Variants in GOLM2 observed in about 807,000 individuals in gnomAD.
GOLM2 encodes the protein protein GOLM2.
GOLM2 carries 26 observed loss-of-function variants against 55.9 expected under a neutral mutation model. That is an observed-to-expected ratio of 0.47 (90% CI 0.34 to 0.65). The LOEUF is 0.65. Among genes scored for constraint, GOLM2 ranks in the 30% least tolerant of loss-of-function variants. GOLM2 has a pLI of 0.01. For synonymous variants in GOLM2, 165 were observed against 194.6 expected, an observed-to-expected ratio of 0.85 and a Z score of 1.27; for missense variants, 486 against 531.8, an observed-to-expected ratio of 0.91 and a Z score of 0.85.
intron 8 of GOLM2, among the ~76,000 whole-genome samples, chr15:44,391,084 G>A (rs540040356): frequency 6.6e-6 from 1 of 152,292 alleles, no homozygotes; most frequent in Admixed American, 6.5e-5. Context: ...TAAATAAGTT[G>A]AATAGGTATC....
intron 6 of GOLM2, among the ~76,000 whole-genome samples, chr15:44,339,961 A>G (rs936094089): frequency 4.6e-5 from 7 of 152,010 alleles, no homozygotes; most frequent in African/African-American, 1.4e-4. Context: ...CAGGAACTAC[A>G]GGCATGTGCC....
At chr15:44,353,895 G>C (rs1019056684) in intron 6 of GOLM2, among the ~76,000 whole-genome samples, 1 of 152,008 alleles carries the variant, frequency 6.6e-6, no homozygotes, top group African/African-American at 2.4e-5. Context: ...CTAAATAATA[G>C]TTTAATTCTA....
At chr15:44,312,960 T>A (rs966001613) in intron 1 of GOLM2, among the ~76,000 whole-genome samples, 26 of 152,064 alleles carry the variant, frequency 1.7e-4, no homozygotes, top group Admixed American at 1.7e-3. Flanking sequence ...GCTCCTGTAA[T>A]CCCAGCTACT....
At chr15:44,367,133 A>G (rs931108567) in intron 6 of GOLM2, among the ~76,000 whole-genome samples, 1 of 152,000 alleles carries the variant, frequency 6.6e-6, no homozygotes, top group Non-Finnish European at 1.5e-5. Flanking sequence ...ATTTGTTTAT[A>G]TATTGCCTAT....
chr15:44,413,251 A>T, intron 9 of GOLM2, 85 bp from the exon 10 acceptor site: 1 of 938,012 alleles, frequency 1.1e-6, no homozygotes, highest in Non-Finnish European at 1.7e-6. Context: ...AAACTACCTT[A>T]AGGCTATGAA....
chr15:44,331,771 T>A (rs2079023593), intron 3 of GOLM2, among the ~76,000 whole-genome samples: 1 of 152,230 alleles, frequency 6.6e-6, no homozygotes, highest in South Asian at 2.1e-4. Flanking sequence ...TAATTTCTGT[T>A]TTCTCAATTA....
At chr15:44,407,441 A>G (rs2079605013) in intron 9 of GOLM2, among the ~76,000 whole-genome samples, 1 of 150,812 alleles carries the variant, frequency 6.6e-6, no homozygotes, top group Non-Finnish European at 1.5e-5. Flanking sequence ...AGTTTTTTGT[A>G]TTTTTTGTAG....
rs2078698446 is a variant in GOLM2 at position 44,288,859 on chromosome 15, C to T, written c.-171C>T. ...ATTTGAGGAGGGGGGCGGGGAGGGA[C>T]CTGCGGCTTGCGGCCCCGCCCCCTT... On this transcript the variant is annotated 5_prime_UTR_variant, in exon 1 of 10. Coordinates refer to ENST00000299957, the MANE Select transcript of GOLM2 (RefSeq NM_138423.4). 1 of 615,760 alleles carries T rather than the reference C, an allele frequency of 1.6e-6. No homozygotes were observed. Among genetic ancestry groups the T allele is most frequent in the Non-Finnish European group, 2.8e-6 (1 of 356,562 alleles). The allele number at this position is 615,760 out of a possible 1,614,324, so 38.1% of individuals were successfully genotyped here.
At chr15:44,334,154 A>G (rs2079041314) in intron 4 of GOLM2, among the ~76,000 whole-genome samples, 2 of 151,984 alleles carry the variant, frequency 1.3e-5, no homozygotes, top group Admixed American at 1.3e-4. Flanking sequence ...CTTCCTTGCC[A>G]TTATCCTACC....
chr15:44,385,325 CCCCTCCCTCCCTCCCTTCCT>C (rs976991259), intron 8 of GOLM2, among the ~76,000 whole-genome samples: 61 of 140,220 alleles, frequency 4.4e-4, no homozygotes, highest in South Asian at 7.7e-4. Flanking sequence ...TTCTCCACAT[CCCCTCCCTCCCTCCCTTCCT>C]CCCTCCCTCC....
At chr15:44,340,704 A>C (rs1308103068) in intron 6 of GOLM2, among the ~76,000 whole-genome samples, 1 of 152,188 alleles carries the variant, frequency 6.6e-6, no homozygotes, top group African/African-American at 2.4e-5. Context: ...TGTTTTAAAA[A>C]GCTCTCCTAG....
At position 44,288,950 on chromosome 15, in the gene GOLM2, G is replaced by T. The variant is rs982058691; in HGVS notation, c.-80G>T. On this transcript the variant is annotated 5_prime_UTR_variant, in exon 1 of 10. Coordinates refer to ENST00000299957, the MANE Select transcript of GOLM2 (RefSeq NM_138423.4). ...GGCCGGCCCTGGGGCCGTGTCCGCC[G>T]GGCAACTCCAGCCGAGGCCTGGGCT... 2 of 1,361,904 alleles carry T rather than the reference G, an allele frequency of 1.5e-6. No homozygotes were observed. Among genetic ancestry groups the T allele is most frequent in the South Asian group, 1.4e-5 (1 of 72,634 alleles). The allele number at this position is 1,361,904 out of a possible 1,614,324, so 84.4% of individuals were successfully genotyped here.
rs1265641568 is a variant in GOLM2 at position 44,289,105 on chromosome 15, G to C, written c.76G>C (p.Val26Leu). Residue 26 changes from valine to leucine, a missense_variant, in exon 1 of 10, where the codon GTC becomes CTC. Coordinates refer to ENST00000299957, the MANE Select transcript of GOLM2 (RefSeq NM_138423.4). This position sits in a 1 kb window ranked among gnomAD's most constrained non-coding sequence, Gnocchi z 4.8. Reference sequence around the variant, plus strand: ...GCTGGTGGTGCTGCTGGTGGTGATCGTCGTCCTCGCCTTCAACTACTGGAG... The same window carrying C: ...GCTGGTGGTGCTGCTGGTGGTGATCCTCGTCCTCGCCTTCAACTACTGGAG... The part of the protein sequence containing the change: ...LVLVVLLVVI[V>L]VLAFNYWSIS... The C allele has an allele frequency of 1.9e-6, 3 of 1,614,010 alleles. No homozygotes were observed. Among genetic ancestry groups the C allele is most frequent in the African/African-American group, 1.3e-5 (1 of 74,934 alleles).
chr15:44,289,178 A>G lies in GOLM2; in HGVS notation c.149A>G (p.Gln50Arg). 6.2e-7 allele frequency: 1 copy of G among 1,614,172 alleles called. No homozygotes were observed. Among genetic ancestry groups the G allele is most frequent in the South Asian group, 1.1e-5 (1 of 91,084 alleles). Reference protein sequence around the residue: ...VLLQEEVAELQGQVQRTEVAR... With the variant: ...VLLQEEVAELRGQVQRTEVAR... ...CTTCAGGAGGAGGTGGCCGAGCTGC[A>G]GGGCCAGGTCCAGCGCACCGAAGTG... Residue 50 changes from glutamine to arginine, a missense_variant, in exon 1 of 10, where the codon CAG becomes CGG. Physicochemically the swap from Gln to Arg is conservative, Grantham distance 43. Transcript: ENST00000299957. The surrounding 1 kb of genome is among the most constrained non-coding windows in gnomAD (Gnocchi z 4.8).
chr15:44,345,063 G>A (rs1217464796), intron 6 of GOLM2, among the ~76,000 whole-genome samples: 2 of 151,212 alleles, frequency 1.3e-5, no homozygotes, highest in East Asian at 1.9e-4. Context: ...CGCCTGCCTC[G>A]GCCTCCCAAA....
At chr15:44,326,515 A>G (rs1287979605) in intron 2 of GOLM2, among the ~76,000 whole-genome samples, 1 of 151,866 alleles carries the variant, frequency 6.6e-6, no homozygotes, top group Non-Finnish European at 1.5e-5. Flanking sequence ...TATATGTTCA[A>G]AATCCTACTG....
intron 8 of GOLM2, among the ~76,000 whole-genome samples, chr15:44,401,428 C>A (rs1042574842): frequency 1.3e-5 from 2 of 152,064 alleles, no homozygotes; most frequent in African/African-American, 2.4e-5. Context: ...CCATACCCAG[C>A]TAATTTTTGT....
At chr15:44,378,610 T>G (rs994053726) in intron 6 of GOLM2, among the ~76,000 whole-genome samples, 1 of 150,642 alleles carries the variant, frequency 6.6e-6, no homozygotes, top group African/African-American at 2.4e-5. Flanking sequence ...AATAAGTAAA[T>G]AAAAGAAAAG....
intron 2 of GOLM2, among the ~76,000 whole-genome samples, chr15:44,323,685 G>A (rs2078965517): frequency 6.6e-6 from 1 of 151,780 alleles, no homozygotes; most frequent in East Asian, 1.9e-4. Flanking sequence ...TTATAATACT[G>A]TATTTTAAAA....
Sources: gnomAD v4.1 joint callset for allele counts (sites outside exome capture counted in the v4.1 genomes callset) on GRCh38, gnomAD v4.1.1 for gene constraint, Gnocchi (gnomAD v3.1) non-coding constraint, MANE v1.5 for transcripts, NCBI Gene and HGNC (gene_info 2026-07-23, HGNC 2026-07-21) for gene names.